Variants in DERA observed in about 807,000 individuals in gnomAD.
The protein encoded by DERA is deoxyribose-phosphate aldolase.
In DERA, 15 loss-of-function variants were observed where a neutral mutation model predicts 41.1. That is an observed-to-expected ratio of 0.37 (90% CI 0.24 to 0.56). The LOEUF (loss-of-function observed/expected upper bound fraction) is 0.56, where lower values mean the gene tolerates loss of function less well. DERA is among the 20% of genes least tolerant of loss of function. The pLI, the probability that DERA is intolerant of heterozygous loss-of-function variation, is 0.81. For synonymous variants in DERA, 139 were observed against 137.4 expected (o/e 1.01, Z -0.08); for missense variants, 396 against 403.4 (o/e 0.98, Z 0.16).
intron 6 of DERA, among the ~76,000 whole-genome samples, chr12:16,005,603 T>C (rs1395528519): frequency 6.6e-6 from 1 of 152,198 alleles, no homozygotes; most frequent in African/African-American, 2.4e-5. Context: ...CTCATGGTCA[T>C]GCAAGTTTGG....
rs1193302921 is a variant in DERA at position 15,943,953 on chromosome 12, C to T, written c.32-12983C>T. On this transcript the variant is annotated intron_variant, in intron 1 of 8. Transcript: ENST00000428559. This position sits in a 1 kb window ranked among gnomAD's most constrained non-coding sequence, Gnocchi z 4.5. ...TCCAAGTGTTCTCATTGTTCAATTC[C>T]CACCTATGAGTGAGAACATGCGGTG... 6.8e-6 allele frequency among the ~76,000 whole-genome samples: 1 copy of T among 146,990 alleles called. No individual in the cohort carries two copies. The highest frequency in any genetic ancestry group is 1.5e-5 in the Non-Finnish European group (1 of 67,266).
chr12:15,927,715 T>C (rs10846249), intron 1 of DERA, among the ~76,000 whole-genome samples: 44,537 of 152,080 alleles, frequency 0.29, 6,874 homozygotes, highest in Admixed American at 0.37. Context: ...GGAGATTGCA[T>C]TCTCAATCTG....
intron 6 of DERA, among the ~76,000 whole-genome samples, chr12:15,987,446 G>T (rs112393763): frequency 6.6e-6 from 1 of 151,360 alleles, no homozygotes; most frequent in African/African-American, 2.4e-5. Context: ...CATATTGGCC[G>T]GGTTGGTCTG....
rs139147828 is a variant in DERA, at chr12:15,992,807, G to A, written c.637+10371G>A. On this transcript the variant is annotated intron_variant, in intron 6 of 8. Coordinates refer to ENST00000428559, the MANE Select transcript of DERA (RefSeq NM_015954.4). This position sits in a 1 kb window ranked among gnomAD's most constrained non-coding sequence, Gnocchi z 4.3. ...AAAAGTGGCTTTATCTTTCAGTAGC[G>A]GTGGACTGTTCGCACACACTCAACA... Among the ~76,000 whole-genome samples the A allele has an allele frequency of 6.6e-6, 1 of 152,232 alleles. No individual in the cohort carries two copies. Among genetic ancestry groups the A allele is most frequent in the Non-Finnish European group, 1.5e-5 (1 of 67,996 alleles).
chr12:15,947,518 T>C (rs1948459986), intron 1 of DERA, among the ~76,000 whole-genome samples: 1 of 152,222 alleles, frequency 6.6e-6, no homozygotes, highest in Non-Finnish European at 1.5e-5. Flanking sequence ...TGTCAGCGAA[T>C]AGGATTGCAA....
intron 4 of DERA, among the ~76,000 whole-genome samples, chr12:15,961,002 T>C (rs1948583785): frequency 6.6e-6 from 1 of 152,174 alleles, no homozygotes; most frequent in Non-Finnish European, 1.5e-5. Flanking sequence ...ATCCATGCCA[T>C]GTGGGGGCAT....
At position 15,970,497 on chromosome 12, in the gene DERA, C is replaced by A. The variant is rs1176068477; in HGVS notation, c.508+7550C>A. 6.6e-6 allele frequency among the ~76,000 whole-genome samples: 1 copy of A among 152,018 alleles called. No homozygotes were observed. Among genetic ancestry groups the A allele is most frequent in the Admixed American group, 6.6e-5 (1 of 15,248 alleles). ...CGCTTCAAAATTGAGAAGATACCGT[C>A]CTTTCAGGTGGATCCTAGAGAGAAG... On this transcript the variant is annotated intron_variant, in intron 5 of 8. Transcript: ENST00000428559. The surrounding 1 kb of genome is among the most constrained non-coding windows in gnomAD (Gnocchi z 4.3).
chr12:16,028,583 A>G (rs1443199572), intron 6 of DERA, among the ~76,000 whole-genome samples: 1 of 152,182 alleles, frequency 6.6e-6, no homozygotes, highest in Non-Finnish European at 1.5e-5. Flanking sequence ...AATGGGGGAA[A>G]AAGATTAGCT....
intron 6 of DERA, among the ~76,000 whole-genome samples, chr12:16,029,696 A>G (rs929809487): frequency 1.3e-5 from 2 of 152,040 alleles, no homozygotes; most frequent in Non-Finnish European, 2.9e-5. Context: ...ACGTCCAGAA[A>G]GGGGCATAGA....
At position 15,922,194 on chromosome 12, in the gene DERA, C is replaced by T. The variant is rs560884536; in HGVS notation, c.31+10780C>T. Among the ~76,000 whole-genome samples the T allele has an allele frequency of 2.0e-5, 3 of 152,170 alleles. No homozygotes were observed. The highest frequency in any genetic ancestry group is 7.2e-5 in the African/African-American group (3 of 41,512). Reference sequence around the variant, plus strand: ...ACCTTCATCAAATTTTAAAATATCCCCGGGGAAGTACGCTGCCTTATTCTT... The same window carrying T: ...ACCTTCATCAAATTTTAAAATATCCTCGGGGAAGTACGCTGCCTTATTCTT... On this transcript the variant is annotated intron_variant, in intron 1 of 8. Coordinates refer to ENST00000428559, the MANE Select transcript of DERA (RefSeq NM_015954.4). This position sits in a 1 kb window ranked among gnomAD's most constrained non-coding sequence, Gnocchi z 4.9.
At chr12:15,987,374 T>A (rs914668373) in intron 6 of DERA, among the ~76,000 whole-genome samples, 1 of 151,468 alleles carries the variant, frequency 6.6e-6, no homozygotes, top group African/African-American at 2.4e-5. Flanking sequence ...GTAGCTGGGG[T>A]TACAGGTGTA....
Position 15,972,316 on chromosome 12 carries a change from G to T in DERA, c.508+9369G>T. ...CTAGAGGACTAGCCTGTCAGTGAGGGACAGGAGGAAGCCAATGGCCTCGCG... is the reference window on the plus strand; with the variant it reads ...CTAGAGGACTAGCCTGTCAGTGAGGTACAGGAGGAAGCCAATGGCCTCGCG... On this transcript the variant is annotated intron_variant, in intron 5 of 8. Coordinates refer to ENST00000428559, the MANE Select transcript of DERA (RefSeq NM_015954.4). The surrounding 1 kb of genome is among the most constrained non-coding windows in gnomAD (Gnocchi z 4.4). The T allele has an allele frequency of 6.3e-6, 1 of 157,696 alleles. No homozygotes were observed. The highest frequency in any genetic ancestry group is 1.7e-4 in the South Asian group (1 of 5,858). 9.8% of individuals were successfully genotyped at this position (157,696 alleles called of 1,614,324 possible). A position where few individuals can be genotyped will look rare whatever the true frequency, so the allele number is the denominator to read the frequency against.
intron 1 of DERA, among the ~76,000 whole-genome samples, chr12:15,930,602 C>T (rs529761989): frequency 6.6e-6 from 1 of 151,938 alleles, no homozygotes; most frequent in African/African-American, 2.4e-5. Context: ...TTGTCGTTGC[C>T]AAAATAGACA....
rs1178392848 is a variant in DERA at position 16,001,266 on chromosome 12, T to C, written c.637+18830T>C. On this transcript the variant is annotated intron_variant, in intron 6 of 8. Coordinates refer to ENST00000428559, the MANE Select transcript of DERA (RefSeq NM_015954.4). The surrounding 1 kb of genome is among the most constrained non-coding windows in gnomAD (Gnocchi z 4.1). ...CATGTTTATCCTATTTTTTTGTTTG[T>C]TTGTTTGTTTTTAGAAGAAATAAAA... Among the ~76,000 whole-genome samples, 1 of 152,184 alleles carries C rather than the reference T, an allele frequency of 6.6e-6. No homozygotes were observed. The highest frequency in any genetic ancestry group is 1.5e-5 in the Non-Finnish European group (1 of 68,040).
At position 15,995,675 on chromosome 12, in the gene DERA, G is replaced by A. The variant is rs1948832129; in HGVS notation, c.637+13239G>A. On this transcript the variant is annotated intron_variant, in intron 6 of 8. Transcript: ENST00000428559. The surrounding 1 kb of genome is among the most constrained non-coding windows in gnomAD (Gnocchi z 5.1). ...GAAGGAATAGAGTAGGGAGGATGGAGGGGTATGGGAGAATGGAAGTGGTAT... is the reference window on the plus strand; with the variant it reads ...GAAGGAATAGAGTAGGGAGGATGGAAGGGTATGGGAGAATGGAAGTGGTAT... 6.6e-6 allele frequency among the ~76,000 whole-genome samples: 1 copy of A among 152,162 alleles called. No homozygotes were observed. The highest frequency in any genetic ancestry group is 2.1e-4 in the South Asian group (1 of 4,834).
At chr12:15,945,673 C>G (rs1948441917) in intron 1 of DERA, among the ~76,000 whole-genome samples, 1 of 152,198 alleles carries the variant, frequency 6.6e-6, no homozygotes, top group East Asian at 1.9e-4. Flanking sequence ...CATCTGCAAA[C>G]AGGTACAATT....
rs1397205674 is a variant in DERA at position 16,001,576 on chromosome 12, G to T, written c.637+19140G>T. Among the ~76,000 whole-genome samples the T allele has an allele frequency of 6.6e-6, 1 of 152,214 alleles. No individual in the cohort carries two copies. Among genetic ancestry groups the T allele is most frequent in the Non-Finnish European group, 1.5e-5 (1 of 68,038 alleles). ...TGTTTGATGCTCTGCAAGGTGGTCA[G>T]TTTCTGGGGTGACTAGACACCACCA... On this transcript the variant is annotated intron_variant, in intron 6 of 8. Coordinates refer to ENST00000428559, the MANE Select transcript of DERA (RefSeq NM_015954.4). The surrounding 1 kb of genome is among the most constrained non-coding windows in gnomAD (Gnocchi z 4.1).
At position 15,982,485 on chromosome 12, in the gene DERA, A is replaced by G; in HGVS notation, c.637+49A>G. On this transcript the variant is annotated intron_variant, in intron 6 of 8. Transcript: ENST00000428559. The surrounding 1 kb of genome is among the most constrained non-coding windows in gnomAD (Gnocchi z 4.0). Reference sequence around the variant, plus strand: ...TGTTTTCTATTGAATTGATGTTTTTAGGAGAAATTAAGTAAGTGAAAGCAT... The same window carrying G: ...TGTTTTCTATTGAATTGATGTTTTTGGGAGAAATTAAGTAAGTGAAAGCAT... 1 of 1,526,022 alleles carries G rather than the reference A, an allele frequency of 6.6e-7. No individual in the cohort carries two copies. The highest frequency in any genetic ancestry group is 8.8e-7 in the Non-Finnish European group (1 of 1,137,610). The allele number at this position is 1,526,022 out of a possible 1,614,324, so 94.5% of individuals were successfully genotyped here.
intron 1 of DERA, among the ~76,000 whole-genome samples, chr12:15,930,748 G>A (rs772395609): frequency 2.2e-4 from 33 of 152,140 alleles, no homozygotes; most frequent in Non-Finnish European, 3.4e-4. Context: ...AGGAAATGAA[G>A]TTGTTAACAC....
Sources: gnomAD v4.1 joint callset for allele counts (sites outside exome capture counted in the v4.1 genomes callset) on GRCh38, gnomAD v4.1.1 for gene constraint, Gnocchi (gnomAD v3.1) non-coding constraint, MANE v1.5 for transcripts, NCBI Gene and HGNC (gene_info 2026-07-23, HGNC 2026-07-21) for gene names.